Variants in SEMA5A observed in about 807,000 individuals in gnomAD.
The protein encoded by SEMA5A is semaphorin-5A.
Under a neutral mutation model 135.5 loss-of-function variants are expected in SEMA5A, and 55 were observed. The ratio of observed to expected loss-of-function variants is 0.41; its 90% CI spans 0.33 to 0.51. The LOEUF (loss-of-function observed/expected upper bound fraction) is 0.51, where lower values mean the gene tolerates loss of function less well. Ranked by LOEUF, SEMA5A falls within the 20% of genes least tolerant of loss-of-function variation. The pLI is 0.37. For missense variants in SEMA5A, 1,290 were observed against 1,419.9 expected (o/e 0.91, Z 1.47); for synonymous variants, 580 against 546.5 (o/e 1.06, Z -0.85).
intron 5 of SEMA5A, among the ~76,000 whole-genome samples, chr5:9,309,136 C>T (rs1159190762): frequency 6.6e-6 from 1 of 152,148 alleles, no homozygotes; most frequent in Non-Finnish European, 1.5e-5. Context: ...GTGTACTCTT[C>T]TTCCTGGCTG....
chr5:9,185,653 A>C (rs2150337909), intron 11 of SEMA5A, among the ~76,000 whole-genome samples: 1 of 152,352 alleles, frequency 6.6e-6, no homozygotes, highest in African/African-American at 2.4e-5. Flanking sequence ...GATTTTTAGT[A>C]TATTCTGAGT....
At position 9,215,159 on chromosome 5, in the gene SEMA5A, C is replaced by T. The variant is rs112861987; in HGVS notation, c.646+9515G>A. Among the ~76,000 whole-genome samples the T allele has an allele frequency of 7.6e-3, 1,155 of 152,280 alleles. 15 individuals are homozygous for T. The highest frequency in any genetic ancestry group is 0.026 in the African/African-American group (1,101 of 41,554). ...CAGGACTCATGACTCTCACAGGAAA[C>T]AAGAAGACAACGCCATCTGCTAACA... On this transcript the variant is annotated intron_variant, in intron 8 of 22. Coordinates refer to ENST00000382496, the MANE Select transcript of SEMA5A (RefSeq NM_003966.3).
At chr5:9,458,256 A>C (rs1303353709) in intron 1 of SEMA5A, among the ~76,000 whole-genome samples, 4 of 152,076 alleles carry the variant, frequency 2.6e-5, no homozygotes, top group Non-Finnish European at 5.9e-5. Flanking sequence ...TATGTATCAC[A>C]ATTGTGTAAA....
chr5:9,363,808 G>C (rs1043488476), intron 3 of SEMA5A, among the ~76,000 whole-genome samples: 2 of 152,078 alleles, frequency 1.3e-5, no homozygotes, highest in Non-Finnish European at 2.9e-5. Flanking sequence ...AGCTGCCAAG[G>C]GTCAGTTGCT....
chr5:9,387,741 T>C (rs1380321267), intron 2 of SEMA5A, among the ~76,000 whole-genome samples: 2 of 152,258 alleles, frequency 1.3e-5, no homozygotes, highest in African/African-American at 2.4e-5. Flanking sequence ...GTTAATGCAA[T>C]GTTCAAGTAA....
At chr5:9,134,854 C>T (rs1560949178) in intron 13 of SEMA5A, among the ~76,000 whole-genome samples, 1 of 152,138 alleles carries the variant, frequency 6.6e-6, no homozygotes, top group Non-Finnish European at 1.5e-5. Context: ...TATCAAGCTG[C>T]AAAGAATGAA....
chr5:9,497,541 G>C (rs1431960718), intron 1 of SEMA5A, among the ~76,000 whole-genome samples: 2 of 152,120 alleles, frequency 1.3e-5, no homozygotes, highest in Non-Finnish European at 2.9e-5. Context: ...GCATACTCTG[G>C]CGCAGGCACT....
chr5:9,423,562 C>T (rs907837642), intron 2 of SEMA5A, among the ~76,000 whole-genome samples: 2 of 152,218 alleles, frequency 1.3e-5, no homozygotes, highest in African/African-American at 4.8e-5. Flanking sequence ...CTTGTTTTCA[C>T]TAACTGTGAG....
chr5:9,463,573 A>G (rs1759139811), intron 1 of SEMA5A, among the ~76,000 whole-genome samples: 1 of 152,166 alleles, frequency 6.6e-6, no homozygotes, highest in African/African-American at 2.4e-5. Flanking sequence ...TAAACCATAA[A>G]AAAACTCTGG....
At chr5:9,166,091 C>G (rs1294973404) in intron 11 of SEMA5A, among the ~76,000 whole-genome samples, 1 of 152,074 alleles carries the variant, frequency 6.6e-6, no homozygotes, top group African/African-American at 2.4e-5. Flanking sequence ...TTTAAACTTT[C>G]CTGGTCATAA....
chr5:9,325,646 G>A (rs979204851), intron 4 of SEMA5A, among the ~76,000 whole-genome samples: 5 of 151,608 alleles, frequency 3.3e-5, no homozygotes, highest in South Asian at 2.1e-4. Context: ...AAATGCAGCC[G>A]GCATTAAAGA....
intron 1 of SEMA5A, among the ~76,000 whole-genome samples, chr5:9,532,208 T>C (rs1737483887): frequency 1.3e-5 from 2 of 151,938 alleles, no homozygotes; most frequent in African/African-American, 4.8e-5. Flanking sequence ...CATCCTCTTA[T>C]CAACTACATA....
chr5:9,482,482 GA>G (rs1759913397), intron 1 of SEMA5A, among the ~76,000 whole-genome samples: 1 of 152,076 alleles, frequency 6.6e-6, no homozygotes, highest in African/African-American at 2.4e-5. Context: ...AAGGTGGGAG[GA>G]AAAACAGCCC....
chr5:9,381,973 TGTGTGTGTGCGCGC>T (rs1561205053), intron 2 of SEMA5A, among the ~76,000 whole-genome samples: 5 of 132,508 alleles, frequency 3.8e-5, no homozygotes, highest in East Asian at 4.5e-4. Flanking sequence ...TGTGTGTGTG[TGTGTGTGTGCGCGC>T]GCGCGCACAT....
chr5:9,344,506 A>G (rs1561167918), intron 3 of SEMA5A, among the ~76,000 whole-genome samples: 1 of 152,222 alleles, frequency 6.6e-6, no homozygotes, highest in African/African-American at 2.4e-5. Context: ...TAATTTCCAG[A>G]TAGGAGACAG....
chr5:9,347,565 T>C (rs1367638455), intron 3 of SEMA5A, among the ~76,000 whole-genome samples: 9 of 152,200 alleles, frequency 5.9e-5, no homozygotes, highest in African/African-American at 2.2e-4. Flanking sequence ...CTTTTTTTTT[T>C]ACATCCTGGA....
intron 1 of SEMA5A, among the ~76,000 whole-genome samples, chr5:9,457,095 T>C (rs962351736): frequency 6.6e-6 from 1 of 152,230 alleles, no homozygotes; most frequent in African/African-American, 2.4e-5. Context: ...TCAGAGCTTT[T>C]AGGAAAATAG....
chr5:9,379,366 A>T (rs912626976), intron 3 of SEMA5A, among the ~76,000 whole-genome samples: 3 of 152,228 alleles, frequency 2.0e-5, no homozygotes, highest in Non-Finnish European at 2.9e-5. Flanking sequence ...CAATCCATAG[A>T]GATACTTGGG....
intron 16 of SEMA5A, among the ~76,000 whole-genome samples, chr5:9,098,539 A>G (rs1739452597): frequency 6.6e-6 from 1 of 152,220 alleles, no homozygotes; most frequent in Non-Finnish European, 1.5e-5. Context: ...TTGTTTTTAA[A>G]TAAACTTCTA....
Sources: allele counts gnomAD v4.1 joint callset (sites outside exome capture counted in the v4.1 genomes callset), GRCh38; gene constraint gnomAD v4.1.1; transcripts MANE v1.5; gene names NCBI Gene and HGNC (gene_info 2026-07-23, HGNC 2026-07-21).